Variants in ZBTB20 observed in about 807,000 individuals in gnomAD.
ZBTB20 encodes zinc finger and BTB domain containing 20.
Under a neutral mutation model 56.9 loss-of-function variants are expected in ZBTB20, and 9 were observed. That is an observed-to-expected ratio of 0.16 (90% CI 0.10 to 0.28). ZBTB20 has a LOEUF of 0.28. Ranked by LOEUF, ZBTB20 falls within the 10% of genes least tolerant of loss-of-function variation. The probability of loss-of-function intolerance (pLI) is 1.00; values close to 1 mark genes in which losing one functional copy is unlikely to be tolerated. For missense variants in ZBTB20, 655 were observed against 1,003.0 expected (o/e 0.65, Z 4.69); for synonymous variants, 417 against 420.7 (o/e 0.99, Z 0.11).
intron 6 of ZBTB20, among the ~76,000 whole-genome samples, chr3:114,623,932 T>C (rs2058492172): frequency 1.3e-5 from 2 of 152,214 alleles, no homozygotes; most frequent in Non-Finnish European, 2.9e-5. Context: ...TCTGCCATTG[T>C]CCGTAGAGTG....
intron 6 of ZBTB20, among the ~76,000 whole-genome samples, chr3:114,616,226 T>C (rs1452597027): frequency 6.6e-6 from 1 of 152,198 alleles, no homozygotes; most frequent in East Asian, 1.9e-4. Context: ...GAACCCATGC[T>C]AACACTGGAA....
intron 3 of ZBTB20, among the ~76,000 whole-genome samples, chr3:114,967,964 A>G (rs1560446854): frequency 6.6e-6 from 1 of 152,114 alleles, no homozygotes; most frequent in Non-Finnish European, 1.5e-5. Flanking sequence ...CTCAAAAAAA[A>G]AAAAAAGAGT....
At chr3:114,349,738 T>C (rs2080487952) in intron 11 of ZBTB20, among the ~76,000 whole-genome samples, 2 of 152,212 alleles carry the variant, frequency 1.3e-5, no homozygotes, top group South Asian at 4.1e-4. Flanking sequence ...GCACTTATTA[T>C]ATGCTTGGAA....
intron 6 of ZBTB20, among the ~76,000 whole-genome samples, chr3:114,524,967 G>A (rs1485105432): frequency 2.6e-5 from 4 of 152,078 alleles, no homozygotes; most frequent in Non-Finnish European, 1.5e-5. Context: ...ACCTGCCTTG[G>A]CCTCCCAAAA....
intron 11 of ZBTB20, among the ~76,000 whole-genome samples, chr3:114,340,022 A>G (rs1297802120): frequency 6.6e-6 from 1 of 152,186 alleles, no homozygotes; most frequent in Admixed American, 6.5e-5. Flanking sequence ...CTATACTTTC[A>G]AGTTTATCTA....
At chr3:115,024,124 A>G (rs1560501988) in intron 2 of ZBTB20, among the ~76,000 whole-genome samples, 2 of 151,106 alleles carry the variant, frequency 1.3e-5, no homozygotes, top group Non-Finnish European at 3.0e-5. Context: ...GCAGAAAGCA[A>G]AGTTGGTCAA....
intron 2 of ZBTB20, among the ~76,000 whole-genome samples, chr3:115,045,137 A>C (rs2081287303): frequency 6.6e-6 from 1 of 152,322 alleles, no homozygotes; most frequent in Non-Finnish European, 1.5e-5. Context: ...ACAGGACCAC[A>C]AAAGCCTCTG....
chr3:114,630,224 C>A lies in ZBTB20; in HGVS notation c.-295+63304G>T, dbSNP rs576758271. Among the ~76,000 whole-genome samples, 8 of 152,296 alleles carry A rather than the reference C, an allele frequency of 5.3e-5. No individual in the cohort carries two copies. In the South Asian group the frequency reaches 1.5e-3, roughly 28 times the overall value. ...TAAGATAGCATATCCAAGGAAGAGT[C>A]TCCTCCATCCCTGGACTGAGATCTA... On this transcript the variant is annotated intron_variant, in intron 6 of 11. Coordinates refer to ENST00000675478, the MANE Select transcript of ZBTB20 (RefSeq NM_001348800.3).
intron 2 of ZBTB20, among the ~76,000 whole-genome samples, chr3:114,986,472 A>AT (rs1432215848): frequency 6.6e-6 from 1 of 152,026 alleles, no homozygotes; most frequent in Non-Finnish European, 1.5e-5. Context: ...TAATAAACTC[A>AT]TTTTTTTCAT....
At position 114,339,039 on chromosome 3, in the gene ZBTB20, T is replaced by C; in HGVS notation, c.2192A>G (p.Asn731Ser). The change falls in exon 12 of 12, where the codon AAC becomes AGC. Residue 731 changes from asparagine (N) to serine (S), a missense_variant. Asn to Ser is a conservative substitution (Grantham distance 46). Transcript: ENST00000675478. This position sits in a 1 kb window ranked among gnomAD's most constrained non-coding sequence, Gnocchi z 4.2. ...PAKFDQIEQFNDHMRMHVSDG is the reference protein window; with the variant it reads ...PAKFDQIEQFSDHMRMHVSDG ...AGACACATGCATCCTCATGTGGTCGTTGAACTGCTCGATTTGGTCAAACTT... is the reference window on the plus strand; with the variant it reads ...AGACACATGCATCCTCATGTGGTCGCTGAACTGCTCGATTTGGTCAAACTT... The C allele has an allele frequency of 6.5e-7, 1 of 1,536,630 alleles. No homozygotes were observed. Among genetic ancestry groups the C allele is most frequent in the Non-Finnish European group, 8.8e-7 (1 of 1,141,100 alleles).
At chr3:114,880,053 T>A (rs777517240) in intron 4 of ZBTB20, among the ~76,000 whole-genome samples, 9 of 152,266 alleles carry the variant, frequency 5.9e-5, no homozygotes, top group Admixed American at 2.6e-4. Context: ...TGCCAGTTAA[T>A]GTACCCTGAA....
intron 6 of ZBTB20, among the ~76,000 whole-genome samples, chr3:114,659,892 T>G (rs1414896754): frequency 6.6e-6 from 1 of 152,138 alleles, no homozygotes; most frequent in Non-Finnish European, 1.5e-5. Flanking sequence ...GCAATATCAG[T>G]GGACACACCC....
intron 3 of ZBTB20, among the ~76,000 whole-genome samples, chr3:114,935,852 A>G (rs1014848135): frequency 6.6e-6 from 1 of 152,244 alleles, no homozygotes; most frequent in African/African-American, 2.4e-5. Flanking sequence ...AATGAGTAAA[A>G]TAAAAGTCTT....
chr3:115,062,082 A>C (rs2082031454), intron 2 of ZBTB20, among the ~76,000 whole-genome samples: 1 of 152,180 alleles, frequency 6.6e-6, no homozygotes, highest in Non-Finnish European at 1.5e-5. Context: ...TTCAGTTCAC[A>C]CACATACACT....
chr3:114,332,825 T>C lies in ZBTB20; in HGVS notation c.*6180A>G, dbSNP rs1299618363. On this transcript the variant is annotated 3_prime_UTR_variant, in exon 12 of 12. Transcript: ENST00000675478. ...AGTTTACGGAGCAAAAGGTGGAGCC[T>C]AAAGAAACCACTGGCAGGTGTTTTA... 3 of 152,208 alleles carry C rather than the reference T, an allele frequency of 2.0e-5. No individual in the cohort carries two copies. The highest frequency in any genetic ancestry group is 7.2e-5 in the African/African-American group (3 of 41,458). 9.4% of individuals were successfully genotyped at this position (152,208 alleles called of 1,614,324 possible). A position where few individuals can be genotyped will look rare whatever the true frequency, so the allele number is the denominator to read the frequency against.
intron 7 of ZBTB20, among the ~76,000 whole-genome samples, chr3:114,418,064 A>G (rs1479377757): frequency 1.3e-5 from 2 of 152,222 alleles, no homozygotes; most frequent in East Asian, 3.9e-4. Context: ...AATGATTCTC[A>G]GTATAGATTC....
intron 2 of ZBTB20, among the ~76,000 whole-genome samples, chr3:115,067,450 T>C (rs1256429585): frequency 6.6e-6 from 1 of 151,582 alleles, no homozygotes; most frequent in Non-Finnish European, 1.5e-5. Flanking sequence ...GGAACATCAA[T>C]CTAATCTTTA....
intron 4 of ZBTB20, among the ~76,000 whole-genome samples, chr3:114,882,766 C>G (rs913529309): frequency 2.0e-5 from 3 of 152,074 alleles, no homozygotes; most frequent in Non-Finnish European, 4.4e-5. Flanking sequence ...TTTCTCTACG[C>G]AAGTACAGTT....
chr3:114,845,666 T>C (rs2074664248), intron 4 of ZBTB20, among the ~76,000 whole-genome samples: 1 of 152,224 alleles, frequency 6.6e-6, no homozygotes, highest in South Asian at 2.1e-4. Context: ...TATAATCCAT[T>C]ACTTTTCTTT....
Sources: gnomAD v4.1 joint callset for allele counts (sites outside exome capture counted in the v4.1 genomes callset) on GRCh38, gnomAD v4.1.1 for gene constraint, Gnocchi (gnomAD v3.1) non-coding constraint, MANE v1.5 for transcripts, NCBI Gene and HGNC (gene_info 2026-07-23, HGNC 2026-07-21) for gene names.